FNBP1L: variants seen among roughly 807,000 people sequenced by gnomAD.
FNBP1L encodes the protein formin binding protein 1 like, also known as formin-binding protein 1-like.
A neutral mutation model predicts 91.2 loss-of-function variants in FNBP1L; 36 were observed. The ratio of observed to expected loss-of-function variants is 0.39; its 90% CI spans 0.30 to 0.52. The LOEUF (loss-of-function observed/expected upper bound fraction) is 0.52, where lower values mean the gene tolerates loss of function less well. FNBP1L is among the 20% of genes least tolerant of loss of function. The pLI, the probability that FNBP1L is intolerant of heterozygous loss-of-function variation, is 0.66. For synonymous variants in FNBP1L, 242 were observed against 237.0 expected, an observed-to-expected ratio of 1.02 and a Z score of -0.19; for missense variants, 571 against 732.1, an observed-to-expected ratio of 0.78 and a Z score of 2.54.
At chr1:93,519,062 A>G (rs1557806407) in intron 2 of FNBP1L, among the ~76,000 whole-genome samples, 1 of 152,238 alleles carries the variant, frequency 6.6e-6, no homozygotes, top group African/African-American at 2.4e-5. Flanking sequence ...AGTATCTGAA[A>G]TAATTAATTT....
chr1:93,528,686 A>T (rs549644527), intron 5 of FNBP1L, among the ~76,000 whole-genome samples: 370 of 152,280 alleles, frequency 2.4e-3, no homozygotes, highest in South Asian at 8.5e-3. Context: ...CTAAGGTAAC[A>T]ACTATGCATT....
intron 1 of FNBP1L, among the ~76,000 whole-genome samples, chr1:93,470,893 C>T (rs1036964118): frequency 6.6e-6 from 1 of 151,140 alleles, no homozygotes; most frequent in African/African-American, 2.4e-5. Context: ...AAAAAAAGTC[C>T]AGGAAATGTG....
intron 1 of FNBP1L, among the ~76,000 whole-genome samples, chr1:93,455,891 T>A (rs1385562593): frequency 6.6e-6 from 1 of 152,240 alleles, no homozygotes; most frequent in African/African-American, 2.4e-5. Context: ...TGTATTAACT[T>A]CTATGATTGG....
rs1423491892 is a variant in FNBP1L at position 93,523,306 on chromosome 1, TA to T, written c.195-34del. 8 of 1,560,918 alleles carry T rather than the reference TA, an allele frequency of 5.1e-6. No individual in the cohort carries two copies. The East Asian group carries it at 1.8e-4, about 36-fold the overall frequency. ...ACCTCACCAACATTTGTAATGAAAA[TA>T]AAAGTAAGTCTCACCATTTTGAAAT... On this transcript the variant is annotated intron_variant, in intron 3 of 16. Coordinates refer to ENST00000271234, the MANE Select transcript of FNBP1L (RefSeq NM_001164473.3).
intron 1 of FNBP1L, among the ~76,000 whole-genome samples, chr1:93,466,798 G>A (rs1346536757): frequency 6.6e-6 from 1 of 152,086 alleles, no homozygotes; most frequent in Non-Finnish European, 1.5e-5. Context: ...TGGGCAGTAT[G>A]GCCATTTTCC....
In FNBP1L at chr1:93,448,296, G is replaced by A. The variant is rs1316207677; in HGVS notation, c.15G>A (p.Thr5=). The A allele has an allele frequency of 5.9e-6, 9 of 1,516,452 alleles. No individual in the cohort carries two copies. The highest frequency in any genetic ancestry group is 2.5e-5 in the South Asian group (2 of 81,072). 93.9% of individuals were successfully genotyped at this position (1,516,452 alleles called of 1,614,324 possible). A position where few individuals can be genotyped will look rare whatever the true frequency, so the allele number is the denominator to read the frequency against. The change falls in exon 1 of 17, where the codon ACG becomes ACA. Residue 5 remains threonine (T), a synonymous_variant. Coordinates refer to ENST00000271234, the MANE Select transcript of FNBP1L (RefSeq NM_001164473.3). ...AAAGTTCCGCCATGAGCTGGGGCAC[G>A]GAGCTGTGGGTGAGTCGGGGAGAGG... The part of the protein sequence containing the change: MSWG[T]ELWDQFDSLD...
intron 2 of FNBP1L, among the ~76,000 whole-genome samples, chr1:93,509,920 G>A (rs1047515392): frequency 1.8e-4 from 28 of 152,322 alleles, no homozygotes; most frequent in African/African-American, 6.0e-4. Context: ...AAAAAATGGC[G>A]CACCAGGAGA....
chr1:93,516,411 C>T (rs1671117877), intron 2 of FNBP1L, among the ~76,000 whole-genome samples: 1 of 152,184 alleles, frequency 6.6e-6, no homozygotes, highest in Admixed American at 6.5e-5. Flanking sequence ...CAAGTTCCAC[C>T]CACAGGAGTT....
chr1:93,550,043 T>C (rs1220927535), intron 15 of FNBP1L, among the ~76,000 whole-genome samples: 1 of 152,164 alleles, frequency 6.6e-6, no homozygotes, highest in Non-Finnish European at 1.5e-5. Context: ...AAAAATACTT[T>C]CCCTCAACTA....
intron 6 of FNBP1L, among the ~76,000 whole-genome samples, chr1:93,530,302 A>G (rs1295157682): frequency 1.3e-5 from 2 of 152,156 alleles, no homozygotes; most frequent in Non-Finnish European, 2.9e-5. Context: ...TTTAAGTTCC[A>G]TATTTTAGTT....
At chr1:93,514,295 A>G (rs1670983420) in intron 2 of FNBP1L, among the ~76,000 whole-genome samples, 1 of 152,072 alleles carries the variant, frequency 6.6e-6, no homozygotes, top group Non-Finnish European at 1.5e-5. Flanking sequence ...AGAACATTCC[A>G]TGCTCGTGGG....
chr1:93,518,553 T>G (rs901448834), intron 2 of FNBP1L, among the ~76,000 whole-genome samples: 1 of 152,188 alleles, frequency 6.6e-6, no homozygotes, highest in Admixed American at 6.5e-5. Flanking sequence ...ATGTCTAAAT[T>G]CTAGATGGAT....
At chr1:93,509,328 T>C (rs1484843695) in intron 2 of FNBP1L, among the ~76,000 whole-genome samples, 1 of 152,190 alleles carries the variant, frequency 6.6e-6, no homozygotes, top group Non-Finnish European at 1.5e-5. Context: ...CAGCAGAGAA[T>C]GAGGGAGCCC....
At chr1:93,467,487 C>T (rs994741721) in intron 1 of FNBP1L, among the ~76,000 whole-genome samples, 6 of 151,982 alleles carry the variant, frequency 3.9e-5, no homozygotes, top group African/African-American at 1.5e-4. Flanking sequence ...TAGGGGTTGG[C>T]AGGAATGGGG....
At chr1:93,486,650 C>A (rs1435047871) in intron 1 of FNBP1L, among the ~76,000 whole-genome samples, 1 of 152,110 alleles carries the variant, frequency 6.6e-6, no homozygotes, top group African/African-American at 2.4e-5. Context: ...ATTGACCTTG[C>A]CTTCTGTTTT....
At chr1:93,476,285 A>C (rs1669492225) in intron 1 of FNBP1L, among the ~76,000 whole-genome samples, 1 of 152,186 alleles carries the variant, frequency 6.6e-6, no homozygotes, top group South Asian at 2.1e-4. Flanking sequence ...TCTTCCATCT[A>C]GTCCAGTGTC....
intron 1 of FNBP1L, among the ~76,000 whole-genome samples, chr1:93,449,320 G>A (rs1398638220): frequency 6.6e-6 from 1 of 151,980 alleles, no homozygotes; most frequent in East Asian, 1.9e-4. Flanking sequence ...GGAGAACTGG[G>A]GGCGTGGGGG....
chr1:93,523,528 A>G (rs772714700), intron 4 of FNBP1L, 37 bp downstream of exon 4: 62 of 1,556,010 alleles, frequency 4.0e-5, no homozygotes, highest in Non-Finnish European at 5.2e-5. Context: ...GCAATAGTAT[A>G]TGAAATAGTC....
Position 93,515,215 on chromosome 1 carries a change from A to G in FNBP1L, c.141-6867A>G, listed in dbSNP as rs544351690. Among the ~76,000 whole-genome samples, 12 of 152,312 alleles carry G rather than the reference A, an allele frequency of 7.9e-5. No homozygotes were observed. In the East Asian group the frequency reaches 2.3e-3, roughly 29 times the overall value. ...AAATGCAAATCAAAACCACAATGAC[A>G]TACCATCTCACACCAGTTAGAATGG... On this transcript the variant is annotated intron_variant, in intron 2 of 16. Transcript: ENST00000271234.
Sources: gnomAD v4.1 joint callset for allele counts (sites outside exome capture counted in the v4.1 genomes callset) on GRCh38, gnomAD v4.1.1 for gene constraint, MANE v1.5 for transcripts, NCBI Gene and HGNC (gene_info 2026-07-23, HGNC 2026-07-21) for gene names.